Variants in USP15 observed in about 807,000 individuals in gnomAD.
USP15 encodes ubiquitin carboxyl-terminal hydrolase 15.
USP15 carries 18 observed loss-of-function variants against 127.1 expected under a neutral mutation model. That is an observed-to-expected ratio of 0.14 (90% CI 0.10 to 0.21). The LOEUF (loss-of-function observed/expected upper bound fraction) is 0.21. USP15 is among the 10% of genes least tolerant of loss of function. The probability of loss-of-function intolerance (pLI) is 1.00; values close to 1 mark genes in which losing one functional copy is unlikely to be tolerated. For synonymous variants in USP15, 364 were observed against 393.7 expected, an observed-to-expected ratio of 0.92 and a Z score of 0.89; for missense variants, 805 against 1,159.9, an observed-to-expected ratio of 0.69 and a Z score of 4.44.
chr12:62,296,777 C>A (rs764604634), intron 2 of USP15, among the ~76,000 whole-genome samples: 8 of 152,172 alleles, frequency 5.3e-5, no homozygotes, highest in Non-Finnish European at 8.8e-5. Context: ...ATCAGCCCCT[C>A]CTCCAAGGAG....
intron 8 of USP15, among the ~76,000 whole-genome samples, chr12:62,369,645 CTGTTAT>C (rs2066597085): frequency 6.6e-6 from 1 of 152,116 alleles, no homozygotes; most frequent in Admixed American, 6.5e-5. Context: ...AATGCTGCTT[CTGTTAT>C]TTACTATATT....
At position 62,381,588 on chromosome 12, in the gene USP15, A is replaced by G; in HGVS notation, c.1014A>G (p.Ile338Met). Residue 338 changes from isoleucine (I) to methionine (M), a missense_variant, in exon 9 of 22, where the codon ATA becomes ATG. Ile to Met is a conservative substitution (Grantham distance 10). Transcript: ENST00000280377. The part of the protein sequence containing the change: ...FDNPLGMRGE[I>M]AKSYAELIKQ... ...ATCCCTTAGGAATGAGAGGTGAAATAGCTAAATCTTATGCCGAACTGATCA... is the reference window on the plus strand; with the variant it reads ...ATCCCTTAGGAATGAGAGGTGAAATGGCTAAATCTTATGCCGAACTGATCA... The G allele has an allele frequency of 6.2e-7, 1 of 1,613,272 alleles. No homozygotes were observed. Among genetic ancestry groups the G allele is most frequent in the Non-Finnish European group, 8.5e-7 (1 of 1,179,370 alleles).
At chr12:62,323,114 T>C (rs1279277139) in intron 5 of USP15, among the ~76,000 whole-genome samples, 1 of 152,188 alleles carries the variant, frequency 6.6e-6, no homozygotes, top group Non-Finnish European at 1.5e-5. Context: ...TCAATGTCCA[T>C]TGAGGTATAG....
chr12:62,321,811 G>T (rs547333010), intron 5 of USP15, among the ~76,000 whole-genome samples: 1 of 152,168 alleles, frequency 6.6e-6, no homozygotes, highest in African/African-American at 2.4e-5. Context: ...TTGTTAAAAA[G>T]AAATCATTTT....
intron 6 of USP15, chr12:62,328,482 C>G (rs1028842841): frequency 5.0e-6 from 1 of 198,570 alleles, no homozygotes; most frequent in African/African-American, 2.3e-5. Context: ...GAGAAACCCA[C>G]TTAGAAAATA....
At chr12:62,298,463 G>A (rs1358254539) in intron 2 of USP15, among the ~76,000 whole-genome samples, 4 of 152,050 alleles carry the variant, frequency 2.6e-5, no homozygotes, top group South Asian at 2.1e-4. Flanking sequence ...TCAAGAGATC[G>A]AGACCATTCT....
chr12:62,282,058 T>G (rs1487156987), intron 1 of USP15, among the ~76,000 whole-genome samples: 1 of 152,178 alleles, frequency 6.6e-6, no homozygotes, highest in African/African-American at 2.4e-5. Flanking sequence ...CCAGGCACAC[T>G]GGCTCATGTC....
chr12:62,315,247 A>G (rs2064799884), intron 4 of USP15, among the ~76,000 whole-genome samples: 1 of 152,036 alleles, frequency 6.6e-6, no homozygotes, highest in African/African-American at 2.4e-5. Context: ...ATGGAAAATG[A>G]CAATTGGTTA....
intron 4 of USP15, among the ~76,000 whole-genome samples, chr12:62,318,063 G>T (rs1459458581): frequency 2.0e-5 from 3 of 152,014 alleles, no homozygotes; most frequent in Non-Finnish European, 4.4e-5. Flanking sequence ...TCATTAACTG[G>T]CTAGTACAGT....
rs1343446333 is a variant in USP15 at position 62,335,484 on chromosome 12, AC to A, written c.683+9553del. ...TATTTAAGGACAGTCCCTCTACTCT[AC>A]CTGTAGTATTTATCTCAATGCTTCC... On this transcript the variant is annotated intron_variant, in intron 6 of 21. Transcript: ENST00000280377. The A allele has an allele frequency of 5.7e-6, 7 of 1,231,798 alleles. No individual in the cohort carries two copies. The African/African-American group carries it at 7.7e-5, about 14-fold the overall frequency. The allele number at this position is 1,231,798 out of a possible 1,614,324, so 76.3% of individuals were successfully genotyped here.
At chr12:62,270,202 T>C (rs1279595697) in intron 1 of USP15, among the ~76,000 whole-genome samples, 2 of 152,100 alleles carry the variant, frequency 1.3e-5, no homozygotes, top group African/African-American at 2.4e-5. Context: ...TCTTTGCCCA[T>C]TTAAAAAATT....
chr12:62,396,499 A>T, intron 20 of USP15, 101 bp downstream of exon 20: 1 of 1,016,222 alleles, frequency 9.8e-7, no homozygotes, highest in Middle Eastern at 2.1e-4. Flanking sequence ...AAAATATCAG[A>T]TGTGTCTTGC....
At chr12:62,276,954 T>A (rs2063509310) in intron 1 of USP15, among the ~76,000 whole-genome samples, 1 of 152,170 alleles carries the variant, frequency 6.6e-6, no homozygotes, top group South Asian at 2.1e-4. Context: ...TTTTCTTATT[T>A]TTATGCATAA....
chr12:62,279,377 C>T (rs1236669585), intron 1 of USP15, among the ~76,000 whole-genome samples: 1 of 152,066 alleles, frequency 6.6e-6, no homozygotes, highest in Non-Finnish European at 1.5e-5. Context: ...TTCTTTCATC[C>T]ATCAAAAGAC....
intron 8 of USP15, among the ~76,000 whole-genome samples, chr12:62,381,064 A>G (rs561738901): frequency 7.9e-5 from 12 of 152,068 alleles, no homozygotes; most frequent in Non-Finnish European, 1.6e-4. Context: ...TGGAAGCAGT[A>G]AATACCTCTA....
intron 1 of USP15, among the ~76,000 whole-genome samples, chr12:62,261,968 G>C (rs2063076633): frequency 6.6e-6 from 1 of 152,040 alleles, no homozygotes; most frequent in South Asian, 2.1e-4. Flanking sequence ...GGCCTGGCAG[G>C]GTGGTTCACG....
At chr12:62,385,026 C>T (rs971445269) in intron 11 of USP15, among the ~76,000 whole-genome samples, 1 of 151,848 alleles carries the variant, frequency 6.6e-6, no homozygotes, top group Non-Finnish European at 1.5e-5. Context: ...CTTTTTCTAC[C>T]TCTCTTTCCC....
intron 6 of USP15, among the ~76,000 whole-genome samples, chr12:62,342,777 C>G (rs993912005): frequency 6.6e-6 from 1 of 152,168 alleles, no homozygotes; most frequent in Non-Finnish European, 1.5e-5. Flanking sequence ...CTGGAAGCTT[C>G]GTCCCAGAGG....
intron 8 of USP15, among the ~76,000 whole-genome samples, chr12:62,379,120 G>A (rs1431141411): frequency 6.7e-6 from 1 of 148,882 alleles, no homozygotes; most frequent in Non-Finnish European, 1.5e-5. Context: ...ACATACAGGA[G>A]AAAACACTGT....
Sources: allele counts gnomAD v4.1 joint callset (sites outside exome capture counted in the v4.1 genomes callset), GRCh38; gene constraint gnomAD v4.1.1; transcripts MANE v1.5; gene names NCBI Gene and HGNC (gene_info 2026-07-23, HGNC 2026-07-21).